LRFN2: variants seen among roughly 807,000 people sequenced by gnomAD.
LRFN2 encodes the protein leucine rich repeat and fibronectin type III domain containing 2.
Under a neutral mutation model 37.3 loss-of-function variants are expected in LRFN2, and 18 were observed. The ratio of observed to expected loss-of-function variants is 0.48; its 90% CI spans 0.33 to 0.72. LRFN2 has a LOEUF of 0.72. LRFN2 is among the 30% of genes least tolerant of loss of function. LRFN2 has a pLI of 0.02. For missense variants in LRFN2, 1,006 were observed against 1,060.7 expected (o/e 0.95, Z 0.72); for synonymous variants, 556 against 466.6 (o/e 1.19, Z -2.47).
chr6:40,454,902 C>T (rs1020071936), intron 1 of LRFN2, among the ~76,000 whole-genome samples: 4 of 152,156 alleles, frequency 2.6e-5, no homozygotes, highest in Non-Finnish European at 5.9e-5. Flanking sequence ...AGGACACATA[C>T]ACACAAACAC....
intron 1 of LRFN2, among the ~76,000 whole-genome samples, chr6:40,449,873 A>G (rs967980651): frequency 6.6e-6 from 1 of 152,176 alleles, no homozygotes; most frequent in African/African-American, 2.4e-5. Context: ...TATTTGTTAC[A>G]TGATAGAGAA....
At chr6:40,429,292 C>T (rs1455635789) in intron 2 of LRFN2, among the ~76,000 whole-genome samples, 1 of 152,236 alleles carries the variant, frequency 6.6e-6, no homozygotes, top group African/African-American at 2.4e-5. Context: ...TTTGAGACCC[C>T]TGGCAAGCTG....
At chr6:40,448,176 T>C (rs1459189201) in intron 1 of LRFN2, among the ~76,000 whole-genome samples, 1 of 152,108 alleles carries the variant, frequency 6.6e-6, no homozygotes, top group East Asian at 1.9e-4. Flanking sequence ...GGCCTTGGGA[T>C]TTGCGGGCTT....
chr6:40,445,866 G>T (rs757452887), intron 1 of LRFN2, among the ~76,000 whole-genome samples: 2 of 152,122 alleles, frequency 1.3e-5, no homozygotes, highest in Admixed American at 1.3e-4. Context: ...CTGTAAAATC[G>T]AATAATCTTA....
chr6:40,530,831 C>T (rs867558889), intron 1 of LRFN2, among the ~76,000 whole-genome samples: 1 of 152,126 alleles, frequency 6.6e-6, no homozygotes, highest in East Asian at 1.9e-4. Context: ...GCACCTTGGC[C>T]TCATCCAAAG....
At chr6:40,447,094 T>C (rs1241197373) in intron 1 of LRFN2, among the ~76,000 whole-genome samples, 1 of 151,950 alleles carries the variant, frequency 6.6e-6, no homozygotes, top group African/African-American at 2.4e-5. Flanking sequence ...GTCAGGGCTG[T>C]GTCTCCCCCA....
chr6:40,523,100 T>A (rs1489689313), intron 1 of LRFN2, among the ~76,000 whole-genome samples: 1 of 152,166 alleles, frequency 6.6e-6, no homozygotes, highest in African/African-American at 2.4e-5. Flanking sequence ...GTTACCATGG[T>A]CCTGTTGCTT....
At chr6:40,466,030 A>G (rs1764454164) in intron 1 of LRFN2, among the ~76,000 whole-genome samples, 1 of 152,188 alleles carries the variant, frequency 6.6e-6, no homozygotes, top group African/African-American at 2.4e-5. Flanking sequence ...TATGGCAAGA[A>G]AGAGAAAGTG....
At chr6:40,470,338 G>A (rs1411050327) in intron 1 of LRFN2, among the ~76,000 whole-genome samples, 5 of 152,220 alleles carry the variant, frequency 3.3e-5, no homozygotes, top group African/African-American at 4.8e-5. Context: ...GTGGCTGGGC[G>A]CAGTGGCTCA....
intron 1 of LRFN2, among the ~76,000 whole-genome samples, chr6:40,566,775 C>T (rs1000931742): frequency 1.3e-5 from 2 of 151,574 alleles, no homozygotes; most frequent in Admixed American, 6.6e-5. Flanking sequence ...AGGAGATATA[C>T]CTAATGCTAA....
chr6:40,539,807 G>T (rs1395047384), intron 1 of LRFN2, among the ~76,000 whole-genome samples: 1 of 152,148 alleles, frequency 6.6e-6, no homozygotes, highest in South Asian at 2.1e-4. Flanking sequence ...GGGAGGTTGC[G>T]GTCTTGGTTT....
chr6:40,427,237 G>A (rs750966026), intron 2 of LRFN2, among the ~76,000 whole-genome samples: 1 of 152,254 alleles, frequency 6.6e-6, no homozygotes, highest in Non-Finnish European at 1.5e-5. Flanking sequence ...TGAGGCAGAA[G>A]CCAAAGGCTT....
At chr6:40,420,954 C>T (rs1763214843) in intron 2 of LRFN2, among the ~76,000 whole-genome samples, 1 of 152,204 alleles carries the variant, frequency 6.6e-6, no homozygotes, top group Admixed American at 6.5e-5. Context: ...ATGGGAGCCC[C>T]TGGGAGTGAG....
intron 1 of LRFN2, among the ~76,000 whole-genome samples, chr6:40,475,272 C>A (rs1764684520): frequency 6.6e-6 from 1 of 152,174 alleles, no homozygotes; most frequent in Admixed American, 6.5e-5. Flanking sequence ...ACCTTGAGAG[C>A]ATCGCAGGGA....
At chr6:40,480,390 C>T (rs923940243) in intron 1 of LRFN2, among the ~76,000 whole-genome samples, 5 of 152,144 alleles carry the variant, frequency 3.3e-5, no homozygotes, top group Non-Finnish European at 7.3e-5. Flanking sequence ...ATGATCCTCC[C>T]ACCTCAGCCT....
intron 1 of LRFN2, among the ~76,000 whole-genome samples, chr6:40,472,251 G>T (rs1764615712): frequency 6.6e-6 from 1 of 152,234 alleles, no homozygotes; most frequent in Admixed American, 6.5e-5. Context: ...GAGCTGGATA[G>T]GTGTTTCCAG....
chr6:40,558,288 G>C (rs1766927639), intron 1 of LRFN2, among the ~76,000 whole-genome samples: 1 of 152,186 alleles, frequency 6.6e-6, no homozygotes, highest in Non-Finnish European at 1.5e-5. Context: ...TGGCTCCTGA[G>C]GAGACATTGC....
At chr6:40,506,403 C>T (rs961827833) in intron 1 of LRFN2, among the ~76,000 whole-genome samples, 1 of 151,594 alleles carries the variant, frequency 6.6e-6, no homozygotes, top group Non-Finnish European at 1.5e-5. Context: ...TGGAACTATT[C>T]GAAAAAAGAA....
intron 1 of LRFN2, among the ~76,000 whole-genome samples, chr6:40,507,766 A>T (rs181643611): frequency 6.6e-4 from 100 of 152,300 alleles, no homozygotes; most frequent in Non-Finnish European, 1.2e-3. Context: ...CCTCTTGTAG[A>T]TTTGAAACGA....
Sources: gnomAD v4.1 joint callset for allele counts (sites outside exome capture counted in the v4.1 genomes callset) on GRCh38, gnomAD v4.1.1 for gene constraint, MANE v1.5 for transcripts, NCBI Gene and HGNC (gene_info 2026-07-23, HGNC 2026-07-21) for gene names.